The following AGBL4 variants were observed in gnomAD, a reference collection of about 807,000 sequenced individuals.
AGBL4 encodes AGBL carboxypeptidase 4.
A neutral mutation model predicts 66.4 loss-of-function variants in AGBL4; 58 were observed. The observed-to-expected ratio is 0.87, with a 90% CI of 0.71 to 1.09. The LOEUF (loss-of-function observed/expected upper bound fraction) is 1.09. AGBL4 is among the 50% of genes least tolerant of loss of function. The pLI is 0.00. For missense variants in AGBL4, 579 were observed against 631.0 expected, an observed-to-expected ratio of 0.92 and a Z score of 0.88; for synonymous variants, 234 against 222.9, an observed-to-expected ratio of 1.05 and a Z score of -0.44.
At chr1:49,251,418 C>G (rs1197676496) in intron 3 of AGBL4, among the ~76,000 whole-genome samples, 1 of 152,146 alleles carries the variant, frequency 6.6e-6, no homozygotes, top group Non-Finnish European at 1.5e-5. Flanking sequence ...AGCCAGCAAG[C>G]CCCACCCCTG....
At chr1:48,965,982 GT>G (rs1658383886) in intron 5 of AGBL4, among the ~76,000 whole-genome samples, 1 of 152,088 alleles carries the variant, frequency 6.6e-6, no homozygotes, top group African/African-American at 2.4e-5. Flanking sequence ...CAGATTTGAG[GT>G]AGAATTCTCA....
rs536311306 is a variant in AGBL4 at position 49,318,249 on chromosome 1, T to A, written c.283-72385A>T. On this transcript the variant is annotated intron_variant, in intron 3 of 13. Transcript: ENST00000371839. ...TCCTGAACTTTAGTTTCCTAAACTA[T>A]AAAATATAATAAAATATTTTTATTC... 4.4e-4 allele frequency among the ~76,000 whole-genome samples: 67 copies of A among 152,032 alleles called. 1 individual carries two copies. Among genetic ancestry groups the A allele is most frequent in the African/African-American group, 1.4e-3 (60 of 41,562 alleles).
intron 11 of AGBL4, among the ~76,000 whole-genome samples, chr1:48,572,820 T>C (rs1049729745): frequency 6.6e-6 from 1 of 152,136 alleles, no homozygotes; most frequent in African/African-American, 2.4e-5. Flanking sequence ...ACAGCAGCCA[T>C]GCACCCTGGG....
At chr1:48,949,470 C>T (rs975913797) in intron 5 of AGBL4, among the ~76,000 whole-genome samples, 1 of 152,136 alleles carries the variant, frequency 6.6e-6, no homozygotes, top group South Asian at 2.1e-4. Context: ...GCAGAAAATA[C>T]GGAGGCAGCA....
At chr1:48,866,807 C>T (rs1322388029) in intron 6 of AGBL4, among the ~76,000 whole-genome samples, 1 of 152,160 alleles carries the variant, frequency 6.6e-6, no homozygotes, top group Admixed American at 6.5e-5. Flanking sequence ...TATGAGCCAT[C>T]CTCCCTTCAT....
At chr1:49,378,356 T>A (rs994799353) in intron 3 of AGBL4, among the ~76,000 whole-genome samples, 1 of 152,152 alleles carries the variant, frequency 6.6e-6, no homozygotes. Flanking sequence ...TCTTAATCTA[T>A]CTCATCTTAA....
chr1:48,730,481 G>A (rs576466280), intron 6 of AGBL4, among the ~76,000 whole-genome samples: 2 of 152,144 alleles, frequency 1.3e-5, no homozygotes, highest in Non-Finnish European at 2.9e-5. Flanking sequence ...GGTAATAATG[G>A]CAGGTAAAGT....
chr1:49,179,214 C>T (rs1646884297), intron 4 of AGBL4, among the ~76,000 whole-genome samples: 1 of 151,920 alleles, frequency 6.6e-6, no homozygotes, highest in Non-Finnish European at 1.5e-5. Flanking sequence ...ATGCAAGTAA[C>T]CAGTAAGGAG....
At chr1:49,193,822 C>T (rs531904143) in intron 4 of AGBL4, among the ~76,000 whole-genome samples, 5 of 152,252 alleles carry the variant, frequency 3.3e-5, no homozygotes, top group South Asian at 4.1e-4. Context: ...CGTGAGCCAC[C>T]GTGCCCAGCC....
intron 4 of AGBL4, among the ~76,000 whole-genome samples, chr1:49,118,502 AT>A (rs1229766291): frequency 2.6e-5 from 4 of 151,950 alleles, no homozygotes; most frequent in African/African-American, 4.8e-5. Flanking sequence ...GATTACATTT[AT>A]TGATTTGCAT....
chr1:49,287,919 G>A (rs1275554395), intron 3 of AGBL4, among the ~76,000 whole-genome samples: 3 of 137,562 alleles, frequency 2.2e-5, no homozygotes, highest in African/African-American at 8.3e-5. Flanking sequence ...GCACACGTAT[G>A]TTTATTGCGG....
Position 48,609,522 on chromosome 1 carries a change from A to C in AGBL4, c.952-18537T>G, listed in dbSNP as rs149225334. On this transcript the variant is annotated intron_variant, in intron 9 of 13. Transcript: ENST00000371839. ...CTGCAGCCTTGACCTCCTGGGCTCA[A>C]ACAATCCTCCCACCTCAGCCTTATA... Among the ~76,000 whole-genome samples the C allele has an allele frequency of 7.7e-3, 1,169 of 152,298 alleles. 10 individuals carry two copies. The highest frequency in any genetic ancestry group is 0.024 in the African/African-American group (998 of 41,566).
intron 3 of AGBL4, among the ~76,000 whole-genome samples, chr1:49,296,293 G>GT (rs1644641823): frequency 1.3e-5 from 2 of 152,154 alleles, no homozygotes; most frequent in Admixed American, 1.3e-4. Context: ...CACAAAGCTT[G>GT]TAGAGGTGGA....
chr1:49,214,972 C>T (rs1002009301), intron 4 of AGBL4, among the ~76,000 whole-genome samples: 7 of 152,110 alleles, frequency 4.6e-5, no homozygotes, highest in East Asian at 3.9e-4. Context: ...CCATCATTCA[C>T]TGCCATTTTA....
intron 6 of AGBL4, among the ~76,000 whole-genome samples, chr1:48,668,535 AT>A (rs1646226106): frequency 6.6e-6 from 1 of 152,010 alleles, no homozygotes; most frequent in African/African-American, 2.4e-5. Flanking sequence ...AAGACACGAC[AT>A]GTTCTCCCAC....
At chr1:48,706,284 G>A (rs1431418281) in intron 6 of AGBL4, among the ~76,000 whole-genome samples, 1 of 151,988 alleles carries the variant, frequency 6.6e-6, no homozygotes, top group Non-Finnish European at 1.5e-5. Context: ...AAAAAGATTT[G>A]AAAAATAATA....
chr1:49,106,041 C>A (rs1645286605), intron 4 of AGBL4, among the ~76,000 whole-genome samples: 1 of 152,166 alleles, frequency 6.6e-6, no homozygotes, highest in African/African-American at 2.4e-5. Flanking sequence ...GAAAACATAT[C>A]TTTTACAGCC....
chr1:49,302,584 TTTTA>T (rs918093415), intron 3 of AGBL4, among the ~76,000 whole-genome samples: 5 of 148,192 alleles, frequency 3.4e-5, no homozygotes, highest in Admixed American at 3.4e-4. Context: ...TTTTTATTTA[TTTTA>T]TTTTATATTT....
chr1:48,702,839 G>A (rs184918121), intron 6 of AGBL4, among the ~76,000 whole-genome samples: 1 of 152,268 alleles, frequency 6.6e-6, no homozygotes, highest in East Asian at 1.9e-4. Flanking sequence ...TCTAGAAGTT[G>A]ACCCTGGAGT....
Sources: gnomAD v4.1 joint callset for allele counts (sites outside exome capture counted in the v4.1 genomes callset) on GRCh38, gnomAD v4.1.1 for gene constraint, MANE v1.5 for transcripts, NCBI Gene and HGNC (gene_info 2026-07-23, HGNC 2026-07-21) for gene names.